The following CSMD1 variants were observed in gnomAD, a reference collection of about 807,000 sequenced individuals.
CSMD1 encodes CUB and sushi domain-containing protein 1.
CSMD1 carries 213 observed loss-of-function variants against 417.5 expected under a neutral mutation model. That is an observed-to-expected ratio of 0.51 (90% CI 0.46 to 0.57). The LOEUF (loss-of-function observed/expected upper bound fraction) is 0.57. Among genes scored for constraint, CSMD1 ranks in the 20% least tolerant of loss-of-function variants. The pLI, the probability that CSMD1 is intolerant of heterozygous loss-of-function variation, is 0.00. For missense variants in CSMD1, 6,923 were observed against 4,529.7 expected, an observed-to-expected ratio of 1.53 and a Z score of -15.17; for synonymous variants, 2,862 against 1,736.8, an observed-to-expected ratio of 1.65 and a Z score of -16.11.
At chr8:3,121,848 GCCTAAT>G (rs983165124) in intron 41 of CSMD1, among the ~76,000 whole-genome samples, 8 of 152,002 alleles carry the variant, frequency 5.3e-5, no homozygotes, top group African/African-American at 1.9e-4. Flanking sequence ...AAGGAGTATT[GCCTAAT>G]TAACAAGATC....
chr8:4,417,493 TACC>T (rs1797008636), intron 3 of CSMD1, among the ~76,000 whole-genome samples: 1 of 152,072 alleles, frequency 6.6e-6, no homozygotes, highest in Non-Finnish European at 1.5e-5. Flanking sequence ...CTGTTAATAC[TACC>T]ACAATTCCAT....
intron 18 of CSMD1, among the ~76,000 whole-genome samples, chr8:3,380,330 G>T (rs967031232): frequency 6.6e-6 from 1 of 152,190 alleles, no homozygotes. Context: ...AGACAGTGTG[G>T]TGATTCCTCA....
At chr8:4,018,467 T>C (rs1796627810) in intron 4 of CSMD1, among the ~76,000 whole-genome samples, 1 of 152,170 alleles carries the variant, frequency 6.6e-6, no homozygotes, top group Non-Finnish European at 1.5e-5. Context: ...CAGCTGTACC[T>C]ACTTTGCACA....
chr8:2,961,267 G>T, intron 61 of CSMD1, 53 bp from the exon 62 acceptor site: 1 of 1,117,742 alleles, frequency 8.9e-7, no homozygotes, highest in Non-Finnish European at 1.3e-6. Context: ...GTTATTGTGA[G>T]AATTTTAACA....
chr8:3,660,679 C>G (rs923741654), intron 7 of CSMD1, among the ~76,000 whole-genome samples: 1 of 151,748 alleles, frequency 6.6e-6, no homozygotes, highest in Non-Finnish European at 1.5e-5. Context: ...CTCCACCACA[C>G]CTGGCTAATT....
intron 1 of CSMD1, among the ~76,000 whole-genome samples, chr8:4,993,822 C>A (rs1212083283): frequency 6.6e-6 from 1 of 152,084 alleles, no homozygotes; most frequent in Non-Finnish European, 1.5e-5. Context: ...TGTATGGGTG[C>A]GAGGAGGCCG....
chr8:4,894,808 G>A (rs1215327244), intron 1 of CSMD1, among the ~76,000 whole-genome samples: 2 of 151,914 alleles, frequency 1.3e-5, no homozygotes, highest in African/African-American at 2.4e-5. Context: ...CTCATGAACG[G>A]ACAACTTGAT....
intron 3 of CSMD1, among the ~76,000 whole-genome samples, chr8:4,415,791 A>G (rs1174101562): frequency 6.6e-6 from 1 of 152,188 alleles, no homozygotes; most frequent in African/African-American, 2.4e-5. Flanking sequence ...GTATGAGCAC[A>G]CGTGTTTACA....
intron 1 of CSMD1, among the ~76,000 whole-genome samples, chr8:4,857,795 C>G (rs1303863539): frequency 6.6e-6 from 1 of 151,694 alleles, no homozygotes; most frequent in East Asian, 1.9e-4. Context: ...CAAAAAGAGT[C>G]CAGGACCAGA....
At chr8:4,076,874 A>G (rs541596562) in intron 3 of CSMD1, among the ~76,000 whole-genome samples, 26 of 152,178 alleles carry the variant, frequency 1.7e-4, no homozygotes, top group Admixed American at 3.9e-4. Context: ...CATTTTTTCC[A>G]TTATCTTTCC....
intron 19 of CSMD1, 34 bp from the exon 20 acceptor site, chr8:3,367,281 C>G: frequency 2.8e-6 from 4 of 1,437,630 alleles, no homozygotes; most frequent in Non-Finnish European, 3.8e-6. Flanking sequence ...GAGAGAGAGA[C>G]AGAGAGAGAC....
At chr8:3,262,211 A>G (rs1258752811) in intron 26 of CSMD1, among the ~76,000 whole-genome samples, 1 of 116,538 alleles carries the variant, frequency 8.6e-6, no homozygotes, top group Non-Finnish European at 1.8e-5. Flanking sequence ...ATATATATAT[A>G]TATATATATA....
Position 3,684,632 on chromosome 8 carries a change from C to G in CSMD1, c.1009+23782G>C, listed in dbSNP as rs1331098098. On this transcript the variant is annotated intron_variant, in intron 7 of 69. Transcript: ENST00000635120. ...TTTTTTTTTTAGACGGAGTCTCGCTCTCTCGCCCAGGCTGGAGTGCAGTGG... is the reference window on the plus strand; with the variant it reads ...TTTTTTTTTTAGACGGAGTCTCGCTGTCTCGCCCAGGCTGGAGTGCAGTGG... Among the ~76,000 whole-genome samples, 4 of 142,964 alleles carry G rather than the reference C, an allele frequency of 2.8e-5. No homozygotes were observed. In the South Asian group the frequency reaches 6.8e-4, roughly 24 times the overall value. 93.8% of individuals were successfully genotyped at this position (142,964 alleles called of 152,430 possible).
At chr8:2,949,786 G>T (rs888604912) in intron 67 of CSMD1, among the ~76,000 whole-genome samples, 2 of 152,168 alleles carry the variant, frequency 1.3e-5, no homozygotes. Flanking sequence ...AAGTCAGATA[G>T]TAAATTAGAA....
chr8:3,443,227 T>C (rs887081073), intron 12 of CSMD1, among the ~76,000 whole-genome samples: 1 of 152,114 alleles, frequency 6.6e-6, no homozygotes, highest in East Asian at 1.9e-4. Flanking sequence ...CTATTTCTTA[T>C]AGCAAAGAAC....
intron 2 of CSMD1, among the ~76,000 whole-genome samples, chr8:4,583,900 T>G (rs1224799563): frequency 6.6e-6 from 1 of 152,022 alleles, no homozygotes; most frequent in Non-Finnish European, 1.5e-5. Context: ...TGCTGCTCAC[T>G]CTTTGGGTCC....
At chr8:4,364,007 C>T (rs1209567537) in intron 3 of CSMD1, among the ~76,000 whole-genome samples, 4 of 152,004 alleles carry the variant, frequency 2.6e-5, no homozygotes, top group Non-Finnish European at 4.4e-5. Context: ...TGACTGTAGT[C>T]AATAATTTAA....
chr8:4,197,696 T>C (rs4875306), intron 3 of CSMD1, among the ~76,000 whole-genome samples: 9 of 151,938 alleles, frequency 5.9e-5, no homozygotes, highest in African/African-American at 1.9e-4. Flanking sequence ...TTGGCCAACA[T>C]AGTGAAGCTC....
chr8:4,298,723 T>G (rs1161457583), intron 3 of CSMD1, among the ~76,000 whole-genome samples: 1 of 152,108 alleles, frequency 6.6e-6, no homozygotes, highest in Non-Finnish European at 1.5e-5. Context: ...AGTATTTTCT[T>G]CCAACTAGAT....
Sources: allele counts gnomAD v4.1 joint callset (sites outside exome capture counted in the v4.1 genomes callset), GRCh38; gene constraint gnomAD v4.1.1; transcripts MANE v1.5; gene names NCBI Gene and HGNC (gene_info 2026-07-23, HGNC 2026-07-21).